The following TRIM44 variants were observed in gnomAD, a reference collection of about 807,000 sequenced individuals.
TRIM44 encodes tripartite motif-containing protein 44.
Under a neutral mutation model 37.4 loss-of-function variants are expected in TRIM44, and 13 were observed. The ratio of observed to expected loss-of-function variants is 0.35; its 90% confidence interval spans 0.23 to 0.55. The LOEUF is 0.55. TRIM44 is among the 20% of genes least tolerant of loss of function. The pLI, the probability that TRIM44 is intolerant of heterozygous loss-of-function variation, is 0.89. For missense variants in TRIM44, 426 were observed against 437.2 expected (o/e 0.97, Z 0.23); for synonymous variants, 175 against 157.2 (o/e 1.11, Z -0.85).
intron 4 of TRIM44, among the ~76,000 whole-genome samples, chr11:35,798,800 G>T (rs1486607174): frequency 2.0e-5 from 3 of 152,184 alleles, no homozygotes; most frequent in Admixed American, 6.5e-5. Context: ...AAAGCAGACT[G>T]TGAAGGAGAC....
chr11:35,750,436 G>A lies in TRIM44; in HGVS notation c.1007+14991G>A, dbSNP rs1852546050. On this transcript the variant is annotated intron_variant, in intron 4 of 4. Transcript: ENST00000299413. ...TAAACACTATTTTAGCTCTCAGTTTGCTCTTCTAAACTAGGGTTCCATGGT... is the reference window on the plus strand; with the variant it reads ...TAAACACTATTTTAGCTCTCAGTTTACTCTTCTAAACTAGGGTTCCATGGT... Among the ~76,000 whole-genome samples the A allele has an allele frequency of 2.0e-5, 3 of 152,256 alleles. No individual in the cohort carries two copies. In the East Asian group the frequency reaches 5.8e-4, roughly 29 times the overall value.
In TRIM44 at chr11:35,807,382, C is replaced by T. The variant is rs894263657; in HGVS notation, c.*997C>T. On this transcript the variant is annotated 3_prime_UTR_variant, in exon 5 of 5. Coordinates refer to ENST00000299413, the MANE Select transcript of TRIM44 (RefSeq NM_017583.6). ...ATCTCCCAGCATATAGATATATCCT[C>T]CTTTAACTCCGACCAGAACCCTTCT... 1 of 152,184 alleles carries T rather than the reference C, an allele frequency of 6.6e-6. No individual in the cohort carries two copies. The highest frequency in any genetic ancestry group is 1.5e-5 in the Non-Finnish European group (1 of 68,042). The allele number at this position is 152,184 out of a possible 1,614,324, so 9.4% of individuals were successfully genotyped here. A position where few individuals can be genotyped will look rare whatever the true frequency, so the allele number is the denominator to read the frequency against.
At chr11:35,785,417 T>C (rs550762067) in intron 4 of TRIM44, among the ~76,000 whole-genome samples, 1 of 152,362 alleles carries the variant, frequency 6.6e-6, no homozygotes, top group South Asian at 2.1e-4. Flanking sequence ...GAAGAATGGA[T>C]AGAAGGTGCC....
At chr11:35,731,486 G>A (rs757821221) in intron 3 of TRIM44, among the ~76,000 whole-genome samples, 2 of 152,076 alleles carry the variant, frequency 1.3e-5, no homozygotes, top group Non-Finnish European at 2.9e-5. Context: ...TTGTTCAGGA[G>A]TTTTGTGTCT....
chr11:35,737,695 G>A (rs1359061254), intron 4 of TRIM44, among the ~76,000 whole-genome samples: 1 of 152,060 alleles, frequency 6.6e-6, no homozygotes, highest in Non-Finnish European at 1.5e-5. Context: ...AATTAGCCAA[G>A]GGTGGTGGCG....
intron 1 of TRIM44, among the ~76,000 whole-genome samples, chr11:35,664,266 G>C (rs2135479722): frequency 6.6e-6 from 1 of 152,280 alleles, no homozygotes; most frequent in Admixed American, 6.5e-5. Flanking sequence ...TATGTGCCCC[G>C]AGTTCATTTT....
At chr11:35,719,203 T>C (rs1852072690) in intron 2 of TRIM44, among the ~76,000 whole-genome samples, 1 of 152,182 alleles carries the variant, frequency 6.6e-6, no homozygotes, top group Non-Finnish European at 1.5e-5. Context: ...CCCACCGCAA[T>C]GAATGAGATT....
chr11:35,705,152 A>G (rs1229484294), intron 2 of TRIM44, among the ~76,000 whole-genome samples: 2 of 149,926 alleles, frequency 1.3e-5, no homozygotes, highest in Admixed American at 6.7e-5. Context: ...ACAAAGATCA[A>G]AAGAGACAAA....
At chr11:35,718,688 C>G (rs907106444) in intron 2 of TRIM44, among the ~76,000 whole-genome samples, 2 of 152,070 alleles carry the variant, frequency 1.3e-5, no homozygotes, top group African/African-American at 4.8e-5. Flanking sequence ...AGTAGTTTCA[C>G]TGCCCTAAAA....
intron 2 of TRIM44, among the ~76,000 whole-genome samples, chr11:35,719,707 T>C (rs1386634354): frequency 6.6e-6 from 1 of 152,192 alleles, no homozygotes; most frequent in Non-Finnish European, 1.5e-5. Flanking sequence ...TAATCCATCT[T>C]GAATAAATTT....
chr11:35,735,346 G>C (rs986941653), intron 3 of TRIM44, 80 bp from the exon 4 acceptor site: 4 of 1,435,040 alleles, frequency 2.8e-6, no homozygotes, highest in Middle Eastern at 1.8e-4. Context: ...GGTTGGGAGA[G>C]GGGAGGGAAA....
chr11:35,806,155 A>G (rs1227501251), intron 4 of TRIM44, among the ~76,000 whole-genome samples: 2 of 152,310 alleles, frequency 1.3e-5, no homozygotes, highest in Admixed American at 1.3e-4. Flanking sequence ...AGTAAGTTTT[A>G]TCATCATTCC....
In TRIM44 at chr11:35,815,232, G is replaced by GT. The variant is rs1411398060; in HGVS notation, c.*8852dup. On this transcript the variant is annotated 3_prime_UTR_variant, in exon 5 of 5. Transcript: ENST00000299413. The stretch of plus-strand genomic sequence containing the variant: ...GAGGGTGGCCATTTGTTGCCTCACT[G>GT]TTTTTATTAGGACATCTGGAGATTA... 1.8e-4 allele frequency: 28 copies of GT among 152,274 alleles called. No homozygotes were observed. Among genetic ancestry groups the GT allele is most frequent in the African/African-American group, 6.0e-4 (25 of 41,556 alleles). 9.4% of individuals were successfully genotyped at this position (152,274 alleles called of 1,614,324 possible). A position where few individuals can be genotyped will look rare whatever the true frequency, so the allele number is the denominator to read the frequency against.
In TRIM44 at chr11:35,817,004, G is replaced by GT. The variant is rs1554941152; in HGVS notation, c.*10620dup. On this transcript the variant is annotated 3_prime_UTR_variant, in exon 5 of 5. Coordinates refer to ENST00000299413, the MANE Select transcript of TRIM44 (RefSeq NM_017583.6). ...TCAACGGTAAGTACCTCAAATTACCGTATGTATTTACTTGTTCATAAGGTT... is the reference window on the plus strand; with the variant it reads ...TCAACGGTAAGTACCTCAAATTACCGTTATGTATTTACTTGTTCATAAGGTT... 1 of 152,080 alleles carries GT rather than the reference G, an allele frequency of 6.6e-6. No individual in the cohort carries two copies. The highest frequency in any genetic ancestry group is 1.5e-5 in the Non-Finnish European group (1 of 68,040). The allele number at this position is 152,080 out of a possible 1,614,324, so 9.4% of individuals were successfully genotyped here.
chr11:35,728,750 T>G (rs1852217514), intron 3 of TRIM44, among the ~76,000 whole-genome samples: 1 of 152,200 alleles, frequency 6.6e-6, no homozygotes, highest in Non-Finnish European at 1.5e-5. Flanking sequence ...ATAAAATTTT[T>G]TAAACATACA....
At chr11:35,758,539 T>A (rs967366709) in intron 4 of TRIM44, among the ~76,000 whole-genome samples, 15 of 152,256 alleles carry the variant, frequency 9.9e-5, no homozygotes, top group Admixed American at 7.2e-4. Context: ...TGATCCTGTC[T>A]TTATGATGTT....
chr11:35,781,436 G>A (rs538088597), intron 4 of TRIM44, among the ~76,000 whole-genome samples: 4 of 152,270 alleles, frequency 2.6e-5, no homozygotes, highest in Non-Finnish European at 4.4e-5. Flanking sequence ...GAGAACATGC[G>A]AGTTTACATT....
intron 2 of TRIM44, among the ~76,000 whole-genome samples, chr11:35,692,739 C>G (rs1851651402): frequency 6.6e-6 from 1 of 151,992 alleles, no homozygotes; most frequent in Non-Finnish European, 1.5e-5. Flanking sequence ...CCTGGCAACA[C>G]AGTGAAACCT....
intron 4 of TRIM44, among the ~76,000 whole-genome samples, chr11:35,798,901 T>C (rs1048464741): frequency 6.6e-6 from 1 of 152,214 alleles, no homozygotes; most frequent in Non-Finnish European, 1.5e-5. Flanking sequence ...GTGATAATGG[T>C]GATTATCTGT....
Sources: allele counts gnomAD v4.1 joint callset (sites outside exome capture counted in the v4.1 genomes callset), GRCh38; gene constraint gnomAD v4.1.1; transcripts MANE v1.5; gene names NCBI Gene and HGNC (gene_info 2026-07-23, HGNC 2026-07-21).